SRSF3: variants seen among roughly 807,000 people sequenced by gnomAD.
SRSF3 encodes serine and arginine rich splicing factor 3.
For missense variants in SRSF3, 58 were observed against 217.1 expected, an observed-to-expected ratio of 0.27 and a Z score of 4.61; for synonymous variants, 87 against 73.6, an observed-to-expected ratio of 1.18 and a Z score of -0.93.
intron 3 of SRSF3, chr6:36,600,253 C>G: frequency 1.9e-6 from 2 of 1,048,124 alleles, no homozygotes; most frequent in Non-Finnish European, 2.3e-6. Flanking sequence ...CTCACCATTT[C>G]TAGCTTGTTG....
chr6:36,595,308 T>C (rs866990817), intron 1 of SRSF3, among the ~76,000 whole-genome samples: 5 of 152,162 alleles, frequency 3.3e-5, no homozygotes, highest in Middle Eastern at 3.2e-3. Flanking sequence ...AACAAAAAAA[T>C]AAGTCCCCAA....
Position 36,605,355 on chromosome 6 carries a change from T to TGGCA in SRSF3, c.*3370_*3373dup. 1 of 152,170 alleles carries TGGCA rather than the reference T, an allele frequency of 6.6e-6. No homozygotes were observed. Among genetic ancestry groups the TGGCA allele is most frequent in the Admixed American group, 6.5e-5 (1 of 15,270 alleles). 9.4% of individuals were successfully genotyped at this position (152,170 alleles called of 1,614,324 possible). A position where few individuals can be genotyped will look rare whatever the true frequency, so the allele number is the denominator to read the frequency against. ...CAGTACAAAAATTAGCTGGGTGTGG[T>TGGCA]GGCAGGCGCCTATAATGCCAGCCAC... On this transcript the variant is annotated 3_prime_UTR_variant, in exon 6 of 6. Transcript: ENST00000373715.
At chr6:36,596,434 C>G (rs1397533319) in intron 1 of SRSF3, among the ~76,000 whole-genome samples, 1 of 151,914 alleles carries the variant, frequency 6.6e-6, no homozygotes, top group Admixed American at 6.6e-5. Flanking sequence ...AATGAAATAA[C>G]AGGTTAAGTC....
chr6:36,598,218 C>T (rs892536653), intron 2 of SRSF3, among the ~76,000 whole-genome samples: 1 of 152,180 alleles, frequency 6.6e-6, no homozygotes, highest in African/African-American at 2.4e-5. Context: ...TGGATCTTCA[C>T]ACTTAAATTG....
chr6:36,597,067 G>C, intron 2 of SRSF3, 99 bp downstream of exon 2: 1 of 928,010 alleles, frequency 1.1e-6, no homozygotes, highest in Non-Finnish European at 1.7e-6. Flanking sequence ...CCAATCACTG[G>C]CCAATTGTAT....
chr6:36,597,990 T>G (rs1778660189), intron 2 of SRSF3, among the ~76,000 whole-genome samples: 1 of 152,164 alleles, frequency 6.6e-6, no homozygotes, highest in South Asian at 2.1e-4. Flanking sequence ...CCACCTCACC[T>G]GGCCACAGCT....
chr6:36,596,580 G>GT, intron 1 of SRSF3, among the ~76,000 whole-genome samples, 181 bp from the exon 2 acceptor site: 1 of 144,086 alleles, frequency 6.9e-6, no homozygotes, highest in African/African-American at 2.6e-5. Context: ...GTGGCGGGGG[G>GT]GGGGAAATGG....
Position 36,604,187 on chromosome 6 carries a change from A to T in SRSF3, c.*2198A>T, listed in dbSNP as rs943308393. On this transcript the variant is annotated 3_prime_UTR_variant, in exon 6 of 6. Coordinates refer to ENST00000373715, the MANE Select transcript of SRSF3 (RefSeq NM_003017.5). Reference sequence around the variant, plus strand: ...TCCATATTCAGGGTTGAGTGTAAAAATGAAAGGAATCACAAAACTGAACTT... The same window carrying T: ...TCCATATTCAGGGTTGAGTGTAAAATTGAAAGGAATCACAAAACTGAACTT... 12 of 221,680 alleles carry T rather than the reference A, an allele frequency of 5.4e-5. No individual in the cohort carries two copies. The highest frequency in any genetic ancestry group is 2.7e-4 in the African/African-American group (12 of 44,712). The allele number at this position is 221,680 out of a possible 1,614,324, so 13.7% of individuals were successfully genotyped here.
intron 3 of SRSF3, 75 bp from the exon 4 acceptor site, chr6:36,601,077 T>C: frequency 7.3e-7 from 1 of 1,366,702 alleles, no homozygotes; most frequent in Non-Finnish European, 1.0e-6. Context: ...AACAGTGAGA[T>C]TGAAAAGTTG....
In SRSF3 at chr6:36,602,173, G is replaced by A. The variant is rs1229549831; in HGVS notation, c.*184G>A. ...GGTGTAATTCTCTATGGTTTGAAAT[G>A]GATCATACGAGGCATGTAATACCAA... On this transcript the variant is annotated 3_prime_UTR_variant, in exon 6 of 6. Coordinates refer to ENST00000373715, the MANE Select transcript of SRSF3 (RefSeq NM_003017.5). 1.7e-5 allele frequency: 20 copies of A among 1,192,048 alleles called. No homozygotes were observed. Among genetic ancestry groups the A allele is most frequent in the Non-Finnish European group, 1.5e-5 (13 of 885,262 alleles). The allele number at this position is 1,192,048 out of a possible 1,614,324, so 73.8% of individuals were successfully genotyped here.
intron 1 of SRSF3, among the ~76,000 whole-genome samples, chr6:36,595,218 A>C (rs538138083): frequency 2.0e-5 from 3 of 152,156 alleles, no homozygotes; most frequent in African/African-American, 7.2e-5. Context: ...TGTAATTGAA[A>C]CTGGTCTACA....
intron 4 of SRSF3, 53 bp downstream of exon 4, chr6:36,601,243 A>G (rs1582514181): frequency 3.1e-6 from 5 of 1,594,730 alleles, no homozygotes; most frequent in Admixed American, 3.4e-5. Flanking sequence ...TGTTTCTGCT[A>G]TTCCTAAACT....
At position 36,601,945 on chromosome 6, in the gene SRSF3, T is replaced by C. The variant is rs760113199; in HGVS notation, c.468-17T>C. 3.5e-5 allele frequency: 53 copies of C among 1,524,834 alleles called. No homozygotes were observed. Among genetic ancestry groups the C allele is most frequent in the African/African-American group, 1.7e-4 (12 of 71,066 alleles). 94.5% of individuals were successfully genotyped at this position (1,524,834 alleles called of 1,614,324 possible). On this transcript the variant is annotated splice_polypyrimidine_tract_variant and intron_variant, in intron 5 of 5. Coordinates refer to ENST00000373715, the MANE Select transcript of SRSF3 (RefSeq NM_003017.5). ...CAGATGTAATGTTTTGTTTTCTTTT[T>C]TTTTTTTTTTTTTTAGTCGATCTAG...
rs1025162884 is a variant in SRSF3 at position 36,604,060 on chromosome 6, A to G, written c.*2071A>G. 7 of 228,698 alleles carry G rather than the reference A, an allele frequency of 3.1e-5. No homozygotes were observed. Among genetic ancestry groups the G allele is most frequent in the Non-Finnish European group, 6.1e-5 (7 of 115,380 alleles). 14.2% of individuals were successfully genotyped at this position (228,698 alleles called of 1,614,324 possible). A position where few individuals can be genotyped will look rare whatever the true frequency, so the allele number is the denominator to read the frequency against. On this transcript the variant is annotated 3_prime_UTR_variant, in exon 6 of 6. Coordinates refer to ENST00000373715, the MANE Select transcript of SRSF3 (RefSeq NM_003017.5). ...TCAAGACTCTTAGAAACTTTAGAAC[A>G]TGGAAATTGTTAAAAGCTTTGAATT...
chr6:36,597,878 A>G (rs1484240502), intron 2 of SRSF3, among the ~76,000 whole-genome samples: 1 of 151,776 alleles, frequency 6.6e-6, no homozygotes, highest in African/African-American at 2.4e-5. Context: ...TTTAAAAAAT[A>G]ATACAGACGA....
intron 1 of SRSF3, among the ~76,000 whole-genome samples, chr6:36,595,352 T>C (rs3756907): frequency 0.076 from 11,640 of 152,256 alleles, 992 homozygotes; most frequent in Admixed American, 0.18. Flanking sequence ...AAATATCTCT[T>C]TGTAATTTTT....
At chr6:36,595,047 C>T (rs1253597935) in intron 1 of SRSF3, among the ~76,000 whole-genome samples, 2 of 152,140 alleles carry the variant, frequency 1.3e-5, no homozygotes, top group Admixed American at 6.6e-5. Flanking sequence ...TAAAAATTTT[C>T]ACCAGTGGTT....
rs760340535 is a variant in SRSF3, at chr6:36,598,938, G to A, written c.296G>A (p.Arg99His). The change falls in exon 3 of 6, where the codon CGC becomes CAC. Residue 99 changes from arginine to histidine, a missense_variant. Transcript: ENST00000373715. The part of the protein sequence containing the change: ...NRGPPPSWGR[R>H]PRDDYRRRSP... The stretch of plus-strand genomic sequence containing the variant: ...GGCCCACCTCCCTCTTGGGGTCGTC[G>A]CCCTCGAGATGATTATCGTAGGAGG... 1 of 1,614,128 alleles carries A rather than the reference G, an allele frequency of 6.2e-7. No homozygotes were observed. Among genetic ancestry groups the A allele is most frequent in the Non-Finnish European group, 8.5e-7 (1 of 1,180,034 alleles).
At chr6:36,596,239 A>T (rs1489783480) in intron 1 of SRSF3, among the ~76,000 whole-genome samples, 1 of 152,030 alleles carries the variant, frequency 6.6e-6, no homozygotes, top group Non-Finnish European at 1.5e-5. Context: ...CATTTTTTTA[A>T]AAGTGAAAAT....
Sources: gnomAD v4.1 joint callset for allele counts (sites outside exome capture counted in the v4.1 genomes callset) on GRCh38, gnomAD v4.1.1 for gene constraint, MANE v1.5 for transcripts, NCBI Gene and HGNC (gene_info 2026-07-23, HGNC 2026-07-21) for gene names.